The following BTAF1 variants were observed in gnomAD, a reference collection of about 807,000 sequenced individuals.
BTAF1 encodes B-TFIID TATA-box binding protein associated factor 1, also known as TATA-binding protein-associated factor 172.
Under a neutral mutation model 227.1 loss-of-function variants are expected in BTAF1, and 38 were observed. The ratio of observed to expected loss-of-function variants is 0.17; its 90% confidence interval spans 0.13 to 0.22. The LOEUF is 0.22. BTAF1 is among the 10% of genes least tolerant of loss of function. BTAF1 has a pLI of 1.00. For missense variants in BTAF1, 1,598 were observed against 2,204.0 expected (o/e 0.73, Z 5.51); for synonymous variants, 742 against 751.9 (o/e 0.99, Z 0.21).
chr10:91,924,784 G>T (rs190632071), intron 1 of BTAF1, among the ~76,000 whole-genome samples: 5 of 152,258 alleles, frequency 3.3e-5, no homozygotes, highest in Non-Finnish European at 7.3e-5. Context: ...ATAGCTATAG[G>T]AGAAACATTA....
Position 91,982,780 on chromosome 10 carries a change from A to G in BTAF1, c.2223+19A>G. The stretch of plus-strand genomic sequence containing the variant: ...ACAAAAGGTAAGATTTTGCCCCAAA[A>G]GTAATAAAGACAAATTAAGTAAACC... On this transcript the variant is annotated intron_variant, in intron 18 of 37. Transcript: ENST00000265990. 1.9e-6 allele frequency: 3 copies of G among 1,576,222 alleles called. No homozygotes were observed. Among genetic ancestry groups the G allele is most frequent in the Non-Finnish European group, 2.6e-6 (3 of 1,159,186 alleles).
chr10:91,964,824 A>G (rs1434146479), intron 13 of BTAF1, among the ~76,000 whole-genome samples: 1 of 152,152 alleles, frequency 6.6e-6, no homozygotes, highest in African/African-American at 2.4e-5. Flanking sequence ...GCCCTTGAAT[A>G]TTGTTAGAGA....
At chr10:91,945,920 A>G (rs1305580305) in intron 4 of BTAF1, among the ~76,000 whole-genome samples, 3 of 152,126 alleles carry the variant, frequency 2.0e-5, no homozygotes, top group Non-Finnish European at 2.9e-5. Context: ...AAGGGTTCCA[A>G]TTTCTCTACA....
intron 14 of BTAF1, among the ~76,000 whole-genome samples, chr10:91,979,119 G>A (rs1383110370): frequency 2.0e-5 from 3 of 151,802 alleles, no homozygotes; most frequent in Non-Finnish European, 4.4e-5. Context: ...ATGGCCTCCC[G>A]CTCCATCCAT....
intron 20 of BTAF1, 63 bp from the exon 21 acceptor site, chr10:91,992,056 G>T: frequency 7.4e-7 from 1 of 1,350,102 alleles, no homozygotes; most frequent in Non-Finnish European, 1.0e-6. Flanking sequence ...CTCTTATGGA[G>T]CTGAAAACAT....
intron 14 of BTAF1, among the ~76,000 whole-genome samples, chr10:91,971,306 A>G (rs1847284503): frequency 1.3e-5 from 2 of 152,100 alleles, no homozygotes; most frequent in East Asian, 3.8e-4. Context: ...GTGCTTTGTC[A>G]CTGCCCTGAT....
intron 37 of BTAF1, 99 bp downstream of exon 37, chr10:92,027,399 G>A (rs1036890020): frequency 5.4e-6 from 6 of 1,102,636 alleles, no homozygotes; most frequent in Non-Finnish European, 7.7e-6. Context: ...GTTTACTTTA[G>A]TATCCATGAG....
intron 18 of BTAF1, among the ~76,000 whole-genome samples, chr10:91,983,035 A>T (rs1215276445): frequency 2.0e-5 from 3 of 152,178 alleles, no homozygotes; most frequent in Non-Finnish European, 4.4e-5. Context: ...AAATATCCCT[A>T]TTAAAAACCG....
chr10:91,945,542 T>G (rs929869093), intron 4 of BTAF1, among the ~76,000 whole-genome samples: 1 of 152,214 alleles, frequency 6.6e-6, no homozygotes, highest in Non-Finnish European at 1.5e-5. Flanking sequence ...CCTACAGTGT[T>G]TGTCTTCTTG....
rs1302013746 is a variant in BTAF1, at chr10:92,029,421, AC to A, written c.*489del. 1.3e-5 allele frequency: 2 copies of A among 152,528 alleles called. No individual in the cohort carries two copies. The highest frequency in any genetic ancestry group is 2.9e-5 in the Non-Finnish European group (2 of 67,960). The allele number at this position is 152,528 out of a possible 1,614,324, so 9.4% of individuals were successfully genotyped here. On this transcript the variant is annotated 3_prime_UTR_variant, in exon 38 of 38. Transcript: ENST00000265990. ...GACTATGATATTGGTCAGTCTTAGAACATGAAAATGTCAGACAATGAATTTA... is the reference window on the plus strand; with the variant it reads ...GACTATGATATTGGTCAGTCTTAGAAATGAAAATGTCAGACAATGAATTTA...
At chr10:91,940,643 CTTTTATTTTATTTTATTA>C (rs1844923325) in intron 3 of BTAF1, among the ~76,000 whole-genome samples, 1 of 151,748 alleles carries the variant, frequency 6.6e-6, no homozygotes, top group African/African-American at 2.4e-5. Flanking sequence ...TTTCAACTGA[CTTTTATTTTATTTTATTA>C]TTTTGTTTTA....
chr10:91,986,149 G>A (rs1398627165), intron 19 of BTAF1, among the ~76,000 whole-genome samples: 1 of 152,032 alleles, frequency 6.6e-6, no homozygotes, highest in Non-Finnish European at 1.5e-5. Flanking sequence ...ATGAAGTAGA[G>A]GTTGAGGTTT....
At chr10:92,027,980 A>G (rs765763019) in intron 37 of BTAF1, among the ~76,000 whole-genome samples, 5 of 152,220 alleles carry the variant, frequency 3.3e-5, no homozygotes, top group African/African-American at 9.6e-5. Flanking sequence ...TCGTTCTGCC[A>G]TACTATGTGT....
At chr10:92,000,743 G>A (rs1283669722) in intron 25 of BTAF1, among the ~76,000 whole-genome samples, 2 of 152,154 alleles carry the variant, frequency 1.3e-5, no homozygotes, top group East Asian at 1.9e-4. Context: ...TAGTAGAGAC[G>A]GGGTTTCACC....
chr10:91,989,121 T>C, intron 19 of BTAF1, 33 bp from the exon 20 acceptor site: 1 of 1,548,022 alleles, frequency 6.5e-7, no homozygotes, highest in Non-Finnish European at 8.7e-7. Flanking sequence ...GTTGATATGA[T>C]TAATGATTTT....
intron 32 of BTAF1, among the ~76,000 whole-genome samples, chr10:92,015,024 C>G (rs933998248): frequency 3.3e-5 from 5 of 152,166 alleles, no homozygotes; most frequent in Non-Finnish European, 7.3e-5. Context: ...CCTCAATGTC[C>G]TTGTGCAGTG....
At chr10:91,951,258 A>G in intron 4 of BTAF1, 145 bp from the exon 5 acceptor site, 1 of 787,216 alleles carries the variant, frequency 1.3e-6, no homozygotes, top group Non-Finnish European at 1.9e-6. Flanking sequence ...AACAGAGTTT[A>G]TGAGATGATC....
intron 25 of BTAF1, among the ~76,000 whole-genome samples, chr10:92,007,643 G>GT (rs973203981): frequency 7.9e-5 from 12 of 152,336 alleles, no homozygotes; most frequent in African/African-American, 2.9e-4. Context: ...GGTACACGCA[G>GT]TTTTCTCCAT....
chr10:91,928,063 C>T (rs561984955), intron 1 of BTAF1, among the ~76,000 whole-genome samples: 5 of 142,410 alleles, frequency 3.5e-5, no homozygotes, highest in Admixed American at 1.4e-4. Context: ...TAACAATCAT[C>T]GGAATATTTT....
Sources: allele counts gnomAD v4.1 joint callset (sites outside exome capture counted in the v4.1 genomes callset), GRCh38; gene constraint gnomAD v4.1.1; transcripts MANE v1.5; gene names NCBI Gene and HGNC (gene_info 2026-07-23, HGNC 2026-07-21).